The following PIWIL1 variants were observed in gnomAD, a reference collection of about 807,000 sequenced individuals.
The protein encoded by PIWIL1 is piwi like RNA-mediated gene silencing 1.
In PIWIL1, 73 loss-of-function variants were observed where a neutral mutation model predicts 114.4. That is an observed-to-expected ratio of 0.64 (90% CI 0.53 to 0.78). The LOEUF (loss-of-function observed/expected upper bound fraction) is 0.78, where lower values mean the gene tolerates loss of function less well. Ranked by LOEUF, PIWIL1 falls within the 30% of genes least tolerant of loss-of-function variation. PIWIL1 has a pLI of 0.00. For missense variants in PIWIL1, 723 were observed against 1,063.1 expected (o/e 0.68, Z 4.45); for synonymous variants, 375 against 369.0 (o/e 1.02, Z -0.19).
the PIWIL1 span, among the ~76,000 whole-genome samples, chr12:130,379,307 A>C: frequency 0.06 from 9,061 of 152,256 alleles, 911 homozygotes; most frequent in African/African-American, 0.21. Flanking sequence ...AAATAAAAGA[A>C]TTGTACAAAT....
chr12:130,358,278 G>A (rs1465079867), intron 14 of PIWIL1, among the ~76,000 whole-genome samples: 2 of 152,132 alleles, frequency 1.3e-5, no homozygotes, highest in Non-Finnish European at 2.9e-5. Flanking sequence ...ACTTAATGAC[G>A]GGTGGTTTTC....
chr12:130,396,373 A>AAAAC, the PIWIL1 span: 3 of 152,708 alleles, frequency 2.0e-5, no homozygotes, highest in East Asian at 1.9e-4. Flanking sequence ...ATAAAGAGTA[A>AAAAC]AAACAATTTA....
chr12:130,387,691 G>C, the PIWIL1 span, among the ~76,000 whole-genome samples: 2 of 149,856 alleles, frequency 1.3e-5, no homozygotes, highest in Non-Finnish European at 3.0e-5. Context: ...CCCCCTTCCT[G>C]TCTCCATTCA....
At chr12:130,404,143 A>C in the PIWIL1 span, among the ~76,000 whole-genome samples, 1 of 152,208 alleles carries the variant, frequency 6.6e-6, no homozygotes, top group African/African-American at 2.4e-5. Flanking sequence ...GTGGGAACCC[A>C]AGGGAATCGG....
At chr12:130,367,867 G>A (rs555133878) in intron 19 of PIWIL1, among the ~76,000 whole-genome samples, 24 of 152,264 alleles carry the variant, frequency 1.6e-4, no homozygotes, top group Admixed American at 9.2e-4. Context: ...GCATAATCTC[G>A]GCTCGCTGTA....
downstream of PIWIL1, among the ~76,000 whole-genome samples, chr12:130,374,230 C>G (rs938616387): frequency 6.6e-6 from 1 of 152,180 alleles, no homozygotes; most frequent in Non-Finnish European, 1.5e-5. Context: ...GCTGCTTACA[C>G]ACAGTGACGG....
chr12:130,346,519 C>G lies in PIWIL1; in HGVS notation c.466C>G (p.Leu156Val). The stretch of plus-strand genomic sequence containing the variant: ...AGCTCTTCTTTTTCAACACGAAGAT[C>G]TAATTGGAAAGTGTCATGCTTTTGA... ...RSALLFQHEDLIGKCHAFDGT... is the reference protein window; with the variant it reads ...RSALLFQHEDVIGKCHAFDGT... The change falls in exon 5 of 21, where the codon CTA becomes GTA. Residue 156 changes from leucine to valine, a missense_variant. Transcript: ENST00000245255. 1 of 1,614,082 alleles carries G rather than the reference C, an allele frequency of 6.2e-7. No homozygotes were observed. Among genetic ancestry groups the G allele is most frequent in the African/African-American group, 1.3e-5 (1 of 75,032 alleles).
At chr12:130,399,904 G>A in the PIWIL1 span, 38 of 1,397,660 alleles carry the variant, frequency 2.7e-5, no homozygotes, top group East Asian at 3.9e-4. Flanking sequence ...CAGAGTACAG[G>A]TACATGGTGA....
At chr12:130,410,359 A>T in the PIWIL1 span, among the ~76,000 whole-genome samples, 1 of 152,168 alleles carries the variant, frequency 6.6e-6, no homozygotes. Context: ...TTAAGTGCAG[A>T]GTATTTAATT....
Position 130,342,660 on chromosome 12 carries a change from C to G in PIWIL1, c.69C>G (p.Gly23=), listed in dbSNP as rs769286630. The change falls in exon 2 of 21, where the codon GGC becomes GGG. Residue 23 remains glycine, a synonymous_variant. Transcript: ENST00000245255. ...GTCAGGAGACAGCGCAGCTGGTGGG[C>G]TCCACTGCCGTGAGTGCTTCACCGT... ...ARGQETAQLV[G]STASQQPGYI... 1 of 1,611,902 alleles carries G rather than the reference C, an allele frequency of 6.2e-7. No individual in the cohort carries two copies. Among genetic ancestry groups the G allele is most frequent in the Non-Finnish European group, 8.5e-7 (1 of 1,178,130 alleles).
chr12:130,386,442 C>A, the PIWIL1 span, among the ~76,000 whole-genome samples: 9 of 141,848 alleles, frequency 6.3e-5, no homozygotes, highest in Admixed American at 6.3e-4. Context: ...TGCACACTAC[C>A]CCTTCCTGTC....
the PIWIL1 span, among the ~76,000 whole-genome samples, chr12:130,400,141 G>T: frequency 1.3e-5 from 2 of 152,114 alleles, no homozygotes; most frequent in African/African-American, 4.8e-5. Flanking sequence ...TGGTTCTCGG[G>T]CCTGGCTGAT....
chr12:130,412,850 C>T, the PIWIL1 span: 4 of 1,456,386 alleles, frequency 2.7e-6, no homozygotes, highest in Non-Finnish European at 3.7e-6. Flanking sequence ...TACAATAGTC[C>T]CACTGACGGT....
the PIWIL1 span, among the ~76,000 whole-genome samples, chr12:130,413,301 A>G: frequency 6.6e-6 from 1 of 151,916 alleles, no homozygotes; most frequent in African/African-American, 2.4e-5. Context: ...TGAACAGCAC[A>G]CTTTCTCTCA....
chr12:130,377,428 C>T (rs972759102), downstream of PIWIL1, among the ~76,000 whole-genome samples: 1 of 152,156 alleles, frequency 6.6e-6, no homozygotes, highest in Non-Finnish European at 1.5e-5. Context: ...ACGCAGTTCA[C>T]GGAACAATCT....
At chr12:130,423,320 G>A in the PIWIL1 span, among the ~76,000 whole-genome samples, 1 of 152,216 alleles carries the variant, frequency 6.6e-6, no homozygotes, top group African/African-American at 2.4e-5. Flanking sequence ...GGAGGCTGCG[G>A]GCTGCCGTGG....
the PIWIL1 span, among the ~76,000 whole-genome samples, chr12:130,379,470 A>G: frequency 2.1e-5 from 2 of 94,000 alleles, no homozygotes; most frequent in Admixed American, 1.1e-4. Context: ...AGTTCCTTCA[A>G]TTCCCTCATC....
At chr12:130,369,439 A>T (rs2136198085) in intron 19 of PIWIL1, among the ~76,000 whole-genome samples, 1 of 152,272 alleles carries the variant, frequency 6.6e-6, no homozygotes, top group Non-Finnish European at 1.5e-5. Flanking sequence ...GTCAAATGGT[A>T]TTTCGGGTTC....
the PIWIL1 span, among the ~76,000 whole-genome samples, chr12:130,421,894 CA>C: frequency 6.6e-6 from 1 of 152,130 alleles, no homozygotes. Context: ...GGCTGAATTC[CA>C]AAAAGTCAGG....
Sources: gnomAD v4.1 joint callset for allele counts (sites outside exome capture counted in the v4.1 genomes callset) on GRCh38, gnomAD v4.1.1 for gene constraint, MANE v1.5 for transcripts, NCBI Gene and HGNC (gene_info 2026-07-23, HGNC 2026-07-21) for gene names.